SNTG1: variants seen among roughly 807,000 people sequenced by gnomAD.
SNTG1 encodes the protein gamma-1-syntrophin.
A neutral mutation model predicts 74.7 loss-of-function variants in SNTG1; 39 were observed. The ratio of observed to expected loss-of-function variants is 0.52; its 90% CI spans 0.40 to 0.68. The LOEUF (loss-of-function observed/expected upper bound fraction) is 0.68. Ranked by LOEUF, SNTG1 falls within the 30% of genes least tolerant of loss-of-function variation. The pLI, the probability that SNTG1 is intolerant of heterozygous loss-of-function variation, is 0.00. For synonymous variants in SNTG1, 254 were observed against 217.1 expected, an observed-to-expected ratio of 1.17 and a Z score of -1.49; for missense variants, 685 against 609.5, an observed-to-expected ratio of 1.12 and a Z score of -1.30.
intron 2 of SNTG1, among the ~76,000 whole-genome samples, chr8:50,275,700 C>T (rs969290680): frequency 1.3e-5 from 2 of 152,158 alleles, no homozygotes; most frequent in Non-Finnish European, 2.9e-5. Flanking sequence ...TACCTTCAAG[C>T]TTCACCACAT....
chr8:50,336,642 T>C (rs2091153706), intron 2 of SNTG1, among the ~76,000 whole-genome samples: 1 of 152,242 alleles, frequency 6.6e-6, no homozygotes, highest in African/African-American at 2.4e-5. Context: ...TTAGCGAAGT[T>C]CCTTACATAT....
rs963918775 is a variant in SNTG1, at chr8:50,149,848, T to C, written c.-102-22713T>C. Among the ~76,000 whole-genome samples, 12 of 152,184 alleles carry C rather than the reference T, an allele frequency of 7.9e-5. No individual in the cohort carries two copies. In the South Asian group the frequency reaches 8.3e-4, roughly 10 times the overall value. ...TCGTGATGCTTCCAGCTTTGTTCTTTTGGCTTAGGATTGTCTTGGCAATGC... is the reference window on the plus strand; with the variant it reads ...TCGTGATGCTTCCAGCTTTGTTCTTCTGGCTTAGGATTGTCTTGGCAATGC... On this transcript the variant is annotated intron_variant, in intron 1 of 18. Transcript: ENST00000642720.
At chr8:50,131,026 C>G (rs1245262262) in intron 1 of SNTG1, among the ~76,000 whole-genome samples, 1 of 151,618 alleles carries the variant, frequency 6.6e-6, no homozygotes, top group Non-Finnish European at 1.5e-5. Flanking sequence ...TAGGAAGGAG[C>G]AAATTAGAAT....
chr8:50,180,655 T>C (rs1232848951), intron 2 of SNTG1, among the ~76,000 whole-genome samples: 4 of 152,098 alleles, frequency 2.6e-5, no homozygotes, highest in African/African-American at 7.2e-5. Flanking sequence ...AACACATTTT[T>C]TTTAGGTGGC....
At chr8:49,909,897 CTT>C (rs1242085805), upstream of SNTG1, 1 of 152,292 alleles carries the variant, frequency 6.6e-6, no homozygotes, top group Non-Finnish European at 1.5e-5. Context: ...AAAGTCTGGC[CTT>C]TTCCTGTGAG....
At chr8:50,500,237 T>C (rs1028705128) in intron 8 of SNTG1, among the ~76,000 whole-genome samples, 3 of 151,784 alleles carry the variant, frequency 2.0e-5, no homozygotes, top group Non-Finnish European at 4.4e-5. Context: ...TTTCTTTTTT[T>C]TTTTTGGTCT....
intron 2 of SNTG1, among the ~76,000 whole-genome samples, chr8:50,203,432 C>A (rs752850120): frequency 3.9e-5 from 6 of 152,038 alleles, no homozygotes; most frequent in Admixed American, 1.3e-4. Context: ...CTTTAATGGG[C>A]CCAAGAAAAG....
At chr8:49,973,512 A>C (rs2129996830) in intron 1 of SNTG1, among the ~76,000 whole-genome samples, 1 of 151,902 alleles carries the variant, frequency 6.6e-6, no homozygotes, top group Admixed American at 6.5e-5. Flanking sequence ...TTAAAGCATA[A>C]TAATAAAAAA....
At chr8:50,664,854 T>C (rs56404315) in intron 15 of SNTG1, among the ~76,000 whole-genome samples, 2,295 of 152,242 alleles carry the variant, frequency 0.015, 49 homozygotes, top group African/African-American at 0.052. Flanking sequence ...ATGTCTGTCT[T>C]CATTCATAAT....
chr8:49,994,645 T>TA (rs1300271945), intron 1 of SNTG1, among the ~76,000 whole-genome samples: 3 of 151,658 alleles, frequency 2.0e-5, no homozygotes, highest in Non-Finnish European at 2.9e-5. Context: ...GATTCATGGC[T>TA]AAAAAAAACT....
At chr8:50,542,808 T>C (rs565514152) in intron 11 of SNTG1, among the ~76,000 whole-genome samples, 73 of 152,310 alleles carry the variant, frequency 4.8e-4, no homozygotes, top group Admixed American at 9.8e-4. Context: ...AGATATCTCA[T>C]TGTAGTTTTG....
At chr8:50,672,098 G>T (rs2095286533) in intron 15 of SNTG1, among the ~76,000 whole-genome samples, 1 of 150,382 alleles carries the variant, frequency 6.6e-6, no homozygotes, top group African/African-American at 2.5e-5. Flanking sequence ...AATGCTAAAT[G>T]ACAAGTTAAT....
rs2094825251 is a variant in SNTG1, at chr8:50,608,035, G to T, written c.849+17118G>T. Among the ~76,000 whole-genome samples, 3 of 151,540 alleles carry T rather than the reference G, an allele frequency of 2.0e-5. 1 individual carries two copies. In the South Asian group the frequency reaches 6.2e-4, roughly 31 times the overall value. Reference sequence around the variant, plus strand: ...CTCCCCTATTTTATTTATTTTTTAAGTATTTCTAATTTAATTATGTTTTTA... The same window carrying T: ...CTCCCCTATTTTATTTATTTTTTAATTATTTCTAATTTAATTATGTTTTTA... On this transcript the variant is annotated intron_variant, in intron 13 of 18. Transcript: ENST00000642720.
At chr8:50,358,021 C>A (rs1210751986) in intron 2 of SNTG1, among the ~76,000 whole-genome samples, 1 of 151,898 alleles carries the variant, frequency 6.6e-6, no homozygotes. Context: ...ATCCAAGTCC[C>A]AGCTTATCCA....
At chr8:50,051,028 A>G (rs1819524372) in intron 1 of SNTG1, among the ~76,000 whole-genome samples, 1 of 152,024 alleles carries the variant, frequency 6.6e-6, no homozygotes, top group Non-Finnish European at 1.5e-5. Flanking sequence ...AAAAATCCAC[A>G]TCTAATTCAT....
At chr8:50,569,265 C>A (rs1175840976) in intron 12 of SNTG1, among the ~76,000 whole-genome samples, 1 of 152,066 alleles carries the variant, frequency 6.6e-6, no homozygotes, top group Non-Finnish European at 1.5e-5. Context: ...CACGGATAGC[C>A]AGTCCCTCTG....
intron 1 of SNTG1, among the ~76,000 whole-genome samples, chr8:50,010,378 G>A (rs1195657386): frequency 6.6e-6 from 1 of 152,108 alleles, no homozygotes; most frequent in Non-Finnish European, 1.5e-5. Flanking sequence ...CAGTTAGGAA[G>A]GAGTGCTCTT....
At chr8:50,158,854 G>T (rs574694084) in intron 1 of SNTG1, among the ~76,000 whole-genome samples, 1 of 152,094 alleles carries the variant, frequency 6.6e-6, no homozygotes, top group East Asian at 1.9e-4. Context: ...TGATAGAATC[G>T]CTGAGACCTT....
At chr8:50,070,721 C>A (rs1821294118) in intron 1 of SNTG1, among the ~76,000 whole-genome samples, 1 of 152,154 alleles carries the variant, frequency 6.6e-6, no homozygotes, top group Non-Finnish European at 1.5e-5. Flanking sequence ...AACACAGTAC[C>A]CACGAAAGTG....
Sources: gnomAD v4.1 joint callset for allele counts (sites outside exome capture counted in the v4.1 genomes callset) on GRCh38, gnomAD v4.1.1 for gene constraint, MANE v1.5 for transcripts, NCBI Gene and HGNC (gene_info 2026-07-23, HGNC 2026-07-21) for gene names.